SEMA6D: variants seen among roughly 807,000 people sequenced by gnomAD.
The protein encoded by SEMA6D is semaphorin 6D.
Under a neutral mutation model 106.6 loss-of-function variants are expected in SEMA6D, and 35 were observed. The ratio of observed to expected loss-of-function variants is 0.33; its 90% CI spans 0.25 to 0.44. The LOEUF (loss-of-function observed/expected upper bound fraction) is 0.44, where lower values mean the gene tolerates loss of function less well. SEMA6D is among the 20% of genes least tolerant of loss of function. The pLI, the probability that SEMA6D is intolerant of heterozygous loss-of-function variation, is 1.00. For missense variants in SEMA6D, 1,185 were observed against 1,345.9 expected (o/e 0.88, Z 1.87); for synonymous variants, 499 against 487.7 (o/e 1.02, Z -0.31).
intron 1 of SEMA6D, among the ~76,000 whole-genome samples, chr15:47,232,821 T>C (rs1033485483): frequency 6.6e-6 from 1 of 151,886 alleles, no homozygotes; most frequent in African/African-American, 2.4e-5. Flanking sequence ...ATTTATATAT[T>C]TTGGGTCCTA....
At chr15:47,354,677 G>T (rs1423601739) in intron 1 of SEMA6D, among the ~76,000 whole-genome samples, 1 of 151,900 alleles carries the variant, frequency 6.6e-6, no homozygotes, top group Admixed American at 6.6e-5. Context: ...AGGGGTTAGT[G>T]TGCATCAGCT....
At chr15:47,343,243 G>C (rs2037892866) in intron 1 of SEMA6D, among the ~76,000 whole-genome samples, 1 of 86,052 alleles carries the variant, frequency 1.2e-5, no homozygotes. Flanking sequence ...TGGATTAGTT[G>C]GATTTTTATT....
chr15:47,581,138 A>G (rs1357619405), intron 3 of SEMA6D, among the ~76,000 whole-genome samples: 1 of 152,172 alleles, frequency 6.6e-6, no homozygotes, highest in Admixed American at 6.6e-5. Flanking sequence ...TTCAGGGTAC[A>G]GTAGTATTTA....
chr15:47,668,369 A>G (rs1383170786), intron 4 of SEMA6D, among the ~76,000 whole-genome samples: 3 of 152,226 alleles, frequency 2.0e-5, no homozygotes, highest in Admixed American at 6.5e-5. Flanking sequence ...CAGCCTGGTC[A>G]TGGCCATCTA....
At chr15:47,495,830 T>C (rs541844772) in intron 3 of SEMA6D, among the ~76,000 whole-genome samples, 1 of 152,210 alleles carries the variant, frequency 6.6e-6, no homozygotes, top group South Asian at 2.1e-4. Context: ...AAGTACCCAA[T>C]TCTCATAAAT....
chr15:47,207,943 G>A, intron 1 of SEMA6D, among the ~76,000 whole-genome samples: 1 of 149,386 alleles, frequency 6.7e-6, no homozygotes, highest in Non-Finnish European at 1.5e-5. Flanking sequence ...ACCAATAATG[G>A]ACAGGAGGGA....
chr15:47,473,076 C>A (rs973223478), intron 3 of SEMA6D, among the ~76,000 whole-genome samples: 1 of 152,192 alleles, frequency 6.6e-6, no homozygotes, highest in Non-Finnish European at 1.5e-5. Context: ...TCTACGTCTT[C>A]TCTAGGGTCA....
chr15:47,643,590 C>T (rs923604560), intron 4 of SEMA6D, among the ~76,000 whole-genome samples: 5 of 152,138 alleles, frequency 3.3e-5, no homozygotes, highest in Non-Finnish European at 7.4e-5. Flanking sequence ...GGAATGTTAA[C>T]CCTAGACATA....
chr15:47,406,915 TTTTA>T (rs1277959285), intron 1 of SEMA6D, among the ~76,000 whole-genome samples: 8 of 152,296 alleles, frequency 5.3e-5, no homozygotes, highest in South Asian at 2.1e-4. Context: ...TGTGTGCTAC[TTTTA>T]TTTGTCAGTC....
chr15:47,445,644 A>G (rs954264044), intron 2 of SEMA6D, among the ~76,000 whole-genome samples: 1 of 151,948 alleles, frequency 6.6e-6, no homozygotes, highest in Non-Finnish European at 1.5e-5. Context: ...TGTGTTACCT[A>G]TTGCTGAACC....
intron 2 of SEMA6D, among the ~76,000 whole-genome samples, chr15:47,455,952 G>A (rs2042333760): frequency 6.6e-6 from 1 of 151,766 alleles, no homozygotes; most frequent in Admixed American, 6.6e-5. Context: ...TATAGCTTCA[G>A]CCCCCCTCCA....
Position 47,655,092 on chromosome 15 carries a change from A to G in SEMA6D, c.-55+54196A>G, listed in dbSNP as rs565077951. ...TCAAACCCATGTTGTTCAAAGGCCA[A>G]CCGTATATGATACATCTTTACTCTT... On this transcript the variant is annotated intron_variant, in intron 4 of 19. Coordinates refer to the SEMA6D transcript ENST00000558014. Among the ~76,000 whole-genome samples the G allele has an allele frequency of 2.0e-5, 3 of 152,298 alleles. No individual in the cohort carries two copies. The East Asian group carries it at 5.8e-4, about 29-fold the overall frequency.
At chr15:47,468,376 C>G (rs1299906157) in intron 2 of SEMA6D, among the ~76,000 whole-genome samples, 2 of 152,172 alleles carry the variant, frequency 1.3e-5, no homozygotes, top group African/African-American at 4.8e-5. Context: ...AAACAAGTGT[C>G]TGAGCACTAG....
At chr15:47,648,149 C>T (rs532080954) in intron 4 of SEMA6D, among the ~76,000 whole-genome samples, 2 of 152,152 alleles carry the variant, frequency 1.3e-5, no homozygotes, top group East Asian at 3.9e-4. Context: ...AAAATATATA[C>T]AGCAGGTCCT....
chr15:47,701,971 C>T (rs1359063930), intron 4 of SEMA6D, among the ~76,000 whole-genome samples: 1 of 152,166 alleles, frequency 6.6e-6, no homozygotes, highest in East Asian at 1.9e-4. Context: ...GAAAAAGTGG[C>T]CCACTGCGGT....
intron 1 of SEMA6D, chr15:47,393,224 T>C (rs1330986134): frequency 6.6e-6 from 1 of 152,196 alleles, no homozygotes; most frequent in Non-Finnish European, 1.5e-5. Context: ...AAAAAATAAA[T>C]TGAAATATTC....
At chr15:47,641,988 G>T (rs970446412) in intron 4 of SEMA6D, among the ~76,000 whole-genome samples, 5 of 152,130 alleles carry the variant, frequency 3.3e-5, no homozygotes, top group Non-Finnish European at 5.9e-5. Flanking sequence ...TAGCCTTGAG[G>T]GTTGTATCTC....
At chr15:47,541,588 CCT>C (rs1366473973) in intron 3 of SEMA6D, among the ~76,000 whole-genome samples, 1 of 152,168 alleles carries the variant, frequency 6.6e-6, no homozygotes, top group East Asian at 1.9e-4. Flanking sequence ...GTGAATGAAT[CCT>C]CTCTGAAATT....
At chr15:47,669,302 C>T (rs2078094412) in intron 4 of SEMA6D, among the ~76,000 whole-genome samples, 1 of 152,200 alleles carries the variant, frequency 6.6e-6, no homozygotes. Flanking sequence ...ACTTATAACC[C>T]TTGCATGGAG....
Sources: gnomAD v4.1 joint callset for allele counts (sites outside exome capture counted in the v4.1 genomes callset) on GRCh38, gnomAD v4.1.1 for gene constraint, MANE v1.5 for transcripts, NCBI Gene and HGNC (gene_info 2026-07-23, HGNC 2026-07-21) for gene names.